The following LAMP3 variants were observed in gnomAD, a reference collection of about 807,000 sequenced individuals.
The protein encoded by LAMP3 is lysosome-associated membrane glycoprotein 3.
LAMP3 carries 26 observed loss-of-function variants against 34.8 expected under a neutral mutation model. The observed-to-expected ratio is 0.75, with a 90% CI of 0.55 to 1.04. The LOEUF is 1.04. Ranked by LOEUF, LAMP3 falls within the 50% of genes least tolerant of loss-of-function variation. The probability of loss-of-function intolerance (pLI) is 0.00; values close to 1 mark genes in which losing one functional copy is unlikely to be tolerated. For synonymous variants in LAMP3, 180 were observed against 201.9 expected (o/e 0.89, Z 0.92); for missense variants, 495 against 524.0 (o/e 0.94, Z 0.54).
intron 5 of LAMP3, chr3:183,132,860 A>G (rs1291045690): frequency 1.0e-6 from 1 of 985,322 alleles, no homozygotes; most frequent in Non-Finnish European, 1.2e-6. Context: ...TCTGGCCACC[A>G]GACATGCGGT....
In LAMP3 at chr3:183,135,012, A is replaced by T. The variant is rs1184077682; in HGVS notation, c.1117+705T>A. Among the ~76,000 whole-genome samples the T allele has an allele frequency of 1.3e-5, 2 of 152,180 alleles. 1 individual carries two copies. The highest frequency in any genetic ancestry group is 2.9e-5 in the Non-Finnish European group (2 of 68,032). On this transcript the variant is annotated intron_variant, in intron 5 of 5. Coordinates refer to ENST00000265598, the MANE Select transcript of LAMP3 (RefSeq NM_014398.4). ...CTGGTCATAGGCAGAAATCCTTATA[A>T]CAATGTGTTCCTGGAAGGGAGAAGA...
intron 4 of LAMP3, among the ~76,000 whole-genome samples, chr3:183,137,210 C>T (rs1378589973): frequency 6.6e-6 from 1 of 151,138 alleles, no homozygotes; most frequent in Non-Finnish European, 1.5e-5. Context: ...CCCAGCTACT[C>T]AGGGAGGCTG....
At chr3:183,124,520 C>T (rs992397296) in intron 5 of LAMP3, among the ~76,000 whole-genome samples, 5 of 152,210 alleles carry the variant, frequency 3.3e-5, no homozygotes, top group African/African-American at 7.2e-5. Context: ...ATACTCCCTG[C>T]TAAGTGGGAT....
At chr3:183,129,844 T>A (rs1272524503) in intron 5 of LAMP3, among the ~76,000 whole-genome samples, 1 of 152,200 alleles carries the variant, frequency 6.6e-6, no homozygotes, top group African/African-American at 2.4e-5. Flanking sequence ...AGAACATGTA[T>A]TAGGACACAG....
rs1264225324 is a variant in LAMP3 at position 183,140,597 on chromosome 3, T to A, written c.889-2A>T. On this transcript the variant is annotated splice_acceptor_variant, in intron 3 of 5. Transcript: ENST00000265598. LOFTEE classifies it high-confidence loss of function. ...ACTGATATAATATGATTCTTCATCC[T>A]GTAAAACAGTAGGGTGTTAACCTTT... is the stretch of plus-strand genomic sequence containing the variant. 1.3e-6 allele frequency: 2 copies of A among 1,585,396 alleles called. No homozygotes were observed. Among genetic ancestry groups the A allele is most frequent in the Non-Finnish European group, 1.7e-6 (2 of 1,154,062 alleles).
chr3:183,126,383 CTT>C (rs976958162), intron 5 of LAMP3, among the ~76,000 whole-genome samples: 2 of 152,044 alleles, frequency 1.3e-5, no homozygotes, highest in Non-Finnish European at 1.5e-5. Flanking sequence ...TTTACTCTCT[CTT>C]GTTAAGCTAT....
intron 3 of LAMP3, among the ~76,000 whole-genome samples, chr3:183,148,248 C>T (rs753553227): frequency 3.9e-5 from 6 of 152,304 alleles, no homozygotes; most frequent in Non-Finnish European, 5.9e-5. Flanking sequence ...CTCTCCAGGA[C>T]GTTGGTCTGG....
rs991138243 is a variant in LAMP3 at position 183,162,606 on chromosome 3, C to T, written c.49+1G>A. The T allele has an allele frequency of 1.2e-5, 18 of 1,547,178 alleles. No individual in the cohort carries two copies. Among genetic ancestry groups the T allele is most frequent in the Middle Eastern group, 1.7e-4 (1 of 5,980 alleles). ...CGCGGGAAGCGCTGAGGGCCACTCA[C>T]CGGCCAGGGACGCGAAGAGCGCGGC... On this transcript the variant is annotated splice_donor_variant, in intron 1 of 5. Coordinates refer to ENST00000265598, the MANE Select transcript of LAMP3 (RefSeq NM_014398.4). LOFTEE classifies it high-confidence loss of function.
intron 3 of LAMP3, among the ~76,000 whole-genome samples, chr3:183,146,498 T>A (rs1170066216): frequency 6.6e-6 from 1 of 152,070 alleles, no homozygotes; most frequent in East Asian, 1.9e-4. Flanking sequence ...CAGTTGTATG[T>A]TTTTTGGCCA....
chr3:183,143,306 T>A (rs539033765), intron 3 of LAMP3, among the ~76,000 whole-genome samples: 1 of 152,270 alleles, frequency 6.6e-6, no homozygotes, highest in South Asian at 2.1e-4. Context: ...AGAGATGGGA[T>A]CTCACTATGG....
intron 5 of LAMP3, among the ~76,000 whole-genome samples, chr3:183,129,426 T>C (rs1719856683): frequency 6.6e-6 from 1 of 152,176 alleles, no homozygotes; most frequent in African/African-American, 2.4e-5. Context: ...TTATGTTGGA[T>C]GGGCTGAATA....
intron 5 of LAMP3, among the ~76,000 whole-genome samples, chr3:183,129,395 C>T (rs998068026): frequency 1.3e-5 from 2 of 151,960 alleles, no homozygotes; most frequent in Non-Finnish European, 1.5e-5. Context: ...GAGGTCTATA[C>T]GTCAGAGGCA....
Position 183,153,875 on chromosome 3 carries a change from G to A in LAMP3, c.566C>T (p.Thr189Ile). 2 of 1,613,876 alleles carry A rather than the reference G, an allele frequency of 1.2e-6. No homozygotes were observed. The highest frequency in any genetic ancestry group is 1.7e-6 in the Non-Finnish European group (2 of 1,179,806). Residue 189 changes from threonine (T) to isoleucine (I), a missense_variant, in exon 2 of 6, where the codon ACC becomes ATC. Coordinates refer to ENST00000265598, the MANE Select transcript of LAMP3 (RefSeq NM_014398.4). Reference sequence around the variant, plus strand: ...AGCTGCCGTTGTTCCTGGGGCATGGGTGGGTTGAACAGGCTTCTGACCGGT... The same window carrying A: ...AGCTGCCGTTGTTCCTGGGGCATGGATGGGTTGAACAGGCTTCTGACCGGT... ...STTGQKPVQP[T>I]HAPGTTAAAH...
At chr3:183,134,679 G>A (rs1427311120) in intron 5 of LAMP3, among the ~76,000 whole-genome samples, 1 of 152,180 alleles carries the variant, frequency 6.6e-6, no homozygotes, top group Non-Finnish European at 1.5e-5. Flanking sequence ...GGCAAGCAAT[G>A]GCCAGTCCTT....
rs754382056 is a variant in LAMP3, at chr3:183,153,839, G to T, written c.602C>A (p.Thr201Asn). ...GGAGGCAGGTGCAGCTGTGCGGGTG[G>T]TATTGTGGGCAGCTGCCGTTGTTCC... is the stretch of plus-strand genomic sequence containing the variant. Reference protein sequence around the residue: ...APGTTAAAHNTTRTAAPASTV... With the variant: ...APGTTAAAHNNTRTAAPASTV... The change falls in exon 2 of 6, where the codon ACC becomes AAC. Residue 201 changes from threonine (T) to asparagine (N), a missense_variant. Coordinates refer to ENST00000265598, the MANE Select transcript of LAMP3 (RefSeq NM_014398.4). The T allele has an allele frequency of 1.2e-6, 2 of 1,608,878 alleles. No individual in the cohort carries two copies. The highest frequency in any genetic ancestry group is 1.7e-6 in the Non-Finnish European group (2 of 1,177,016).
At chr3:183,152,560 GA>G in intron 2 of LAMP3, 57 bp from the exon 3 acceptor site, 1 of 1,502,158 alleles carries the variant, frequency 6.7e-7, no homozygotes, top group South Asian at 1.3e-5. Flanking sequence ...TCTAGCTAGG[GA>G]ACCAGATGCA....
chr3:183,129,094 C>G (rs1028286907), intron 5 of LAMP3, among the ~76,000 whole-genome samples: 1 of 152,154 alleles, frequency 6.6e-6, no homozygotes, highest in African/African-American at 2.4e-5. Context: ...CACACTGGGT[C>G]ACACTTTCTT....
chr3:183,137,559 T>C (rs535658), intron 4 of LAMP3, among the ~76,000 whole-genome samples: 94,098 of 151,488 alleles, frequency 0.62, 30,999 homozygotes, highest in Non-Finnish European at 0.74. Flanking sequence ...AAATGCCCTA[T>C]ACAATGTACT....
intron 4 of LAMP3, among the ~76,000 whole-genome samples, chr3:183,140,046 C>G (rs1720224802): frequency 6.6e-6 from 1 of 152,156 alleles, no homozygotes; most frequent in Admixed American, 6.5e-5. Flanking sequence ...GGGCAAATTA[C>G]AGCACACAGA....
Sources: allele counts gnomAD v4.1 joint callset (sites outside exome capture counted in the v4.1 genomes callset), GRCh38; gene constraint gnomAD v4.1.1; transcripts MANE v1.5; gene names NCBI Gene and HGNC (gene_info 2026-07-23, HGNC 2026-07-21).